Variants in THRB observed in about 807,000 individuals in gnomAD.
The protein encoded by THRB is nuclear receptor subfamily 1 group A member 2.
A neutral mutation model predicts 47.8 loss-of-function variants in THRB; 12 were observed. The ratio of observed to expected loss-of-function variants is 0.25; its 90% CI spans 0.16 to 0.41. The LOEUF (loss-of-function observed/expected upper bound fraction) is 0.41, where lower values mean the gene tolerates loss of function less well. Ranked by LOEUF, THRB falls within the 10% of genes least tolerant of loss-of-function variation. THRB has a pLI of 1.00. For missense variants in THRB, 348 were observed against 589.2 expected, an observed-to-expected ratio of 0.59 and a Z score of 4.24; for synonymous variants, 218 against 212.2, an observed-to-expected ratio of 1.03 and a Z score of -0.24.
At chr3:24,145,152 G>A (rs966481541) in intron 7 of THRB, among the ~76,000 whole-genome samples, 8 of 151,304 alleles carry the variant, frequency 5.3e-5, no homozygotes, top group African/African-American at 1.7e-4. Context: ...AAATGCTTCC[G>A]GTGTGCCAGG....
intron 2 of THRB, among the ~76,000 whole-genome samples, chr3:24,303,831 A>T (rs78418670): frequency 0.012 from 1,862 of 152,292 alleles, 30 homozygotes; most frequent in African/African-American, 0.041. Flanking sequence ...TTACAGATGC[A>T]TTTCCTACAT....
intron 2 of THRB, among the ~76,000 whole-genome samples, chr3:24,326,376 C>T (rs2061594336): frequency 6.6e-6 from 1 of 152,142 alleles, no homozygotes; most frequent in Non-Finnish European, 1.5e-5. Flanking sequence ...GCTGGGATTA[C>T]AGGTGCCCAC....
At position 24,146,797 on chromosome 3, in the gene THRB, T is replaced by C. The variant is rs754829672; in HGVS notation, c.410A>G (p.Lys137Arg). 6.2e-7 allele frequency: 1 copy of C among 1,614,026 alleles called. No individual in the cohort carries two copies. Among genetic ancestry groups the C allele is most frequent in the South Asian group, 1.1e-5 (1 of 91,074 alleles). The change falls in exon 7 of 11, where the codon AAA (lysine) becomes AGA (arginine). Residue 137 changes from lysine (K) to arginine (R), a missense_variant. Coordinates refer to ENST00000646209, the MANE Select transcript of THRB (RefSeq NM_001354712.2). Reference sequence around the variant, plus strand: ...ACAGGAATAGGATGGATGGAGATTTTTCTGAATGGTTCTTCTAAAGAAACC... The same window carrying C: ...ACAGGAATAGGATGGATGGAGATTTCTCTGAATGGTTCTTCTAAAGAAACC... Reference protein sequence around the residue: ...CKGFFRRTIQKNLHPSYSCKY... With the variant: ...CKGFFRRTIQRNLHPSYSCKY...
chr3:24,406,726 A>C (rs2067856002), intron 1 of THRB, among the ~76,000 whole-genome samples: 1 of 151,914 alleles, frequency 6.6e-6, no homozygotes, highest in Non-Finnish European at 1.5e-5. Context: ...AGATACATAA[A>C]ATAAGATTAA....
At chr3:24,216,060 T>C (rs1340642400) in intron 4 of THRB, among the ~76,000 whole-genome samples, 1 of 152,182 alleles carries the variant, frequency 6.6e-6, no homozygotes, top group Non-Finnish European at 1.5e-5. Flanking sequence ...TAATAGACGC[T>C]TTACAATTCC....
intron 4 of THRB, among the ~76,000 whole-genome samples, chr3:24,208,728 C>G (rs1015615914): frequency 2.6e-5 from 4 of 152,146 alleles, no homozygotes; most frequent in Non-Finnish European, 5.9e-5. Flanking sequence ...AAATGTTAGA[C>G]CTAAAACCAT....
At chr3:24,444,480 A>AT (rs1258707212) in intron 1 of THRB, among the ~76,000 whole-genome samples, 2 of 144,692 alleles carry the variant, frequency 1.4e-5, no homozygotes, top group Admixed American at 7.1e-5. Context: ...CAAATAAATG[A>AT]TTTTTTTGTC....
At chr3:24,316,318 A>T (rs2058109538) in intron 2 of THRB, among the ~76,000 whole-genome samples, 1 of 152,116 alleles carries the variant, frequency 6.6e-6, no homozygotes, top group Non-Finnish European at 1.5e-5. Flanking sequence ...TTTCATCATA[A>T]TATATTTTTT....
At chr3:24,353,978 A>T (rs1025034368) in intron 1 of THRB, among the ~76,000 whole-genome samples, 4 of 152,146 alleles carry the variant, frequency 2.6e-5, no homozygotes, top group African/African-American at 9.6e-5. Context: ...GCTTCTATTA[A>T]GAATTTTAAA....
chr3:24,340,301 G>A (rs188273075), intron 1 of THRB, among the ~76,000 whole-genome samples: 1 of 151,964 alleles, frequency 6.6e-6, no homozygotes. Context: ...GTTAATATTA[G>A]AGCAAAATTA....
chr3:24,233,543 G>GAAAAAGGA (rs1349373786), intron 3 of THRB, among the ~76,000 whole-genome samples: 1 of 43,602 alleles, frequency 2.3e-5, no homozygotes, highest in Non-Finnish European at 4.8e-5. Context: ...AAGAAAGAAA[G>GAAAAAGGA]AGAAAGAAAG....
chr3:24,201,971 T>C (rs1049413220), intron 4 of THRB, among the ~76,000 whole-genome samples: 6 of 152,224 alleles, frequency 3.9e-5, no homozygotes, highest in Admixed American at 3.3e-4. Context: ...AAGTAGACTG[T>C]TATTCTCATT....
At chr3:24,458,425 T>C (rs1212384604) in intron 1 of THRB, 1 of 152,182 alleles carries the variant, frequency 6.6e-6, no homozygotes, top group Non-Finnish European at 1.5e-5. Context: ...TTCAGAATAA[T>C]TGCCTTTGAA....
At chr3:24,344,952 A>C (rs2062915159) in intron 1 of THRB, among the ~76,000 whole-genome samples, 1 of 152,128 alleles carries the variant, frequency 6.6e-6, no homozygotes, top group South Asian at 2.1e-4. Flanking sequence ...ATATCCACAA[A>C]AGACCAATCC....
intron 1 of THRB, among the ~76,000 whole-genome samples, chr3:24,382,144 T>C (rs560964207): frequency 2.6e-5 from 4 of 151,854 alleles, no homozygotes; most frequent in Non-Finnish European, 4.4e-5. Context: ...AAAGATAAGA[T>C]GAACAGATAA....
chr3:24,455,240 A>G (rs995413216), intron 1 of THRB: 4 of 151,224 alleles, frequency 2.6e-5, no homozygotes, highest in Non-Finnish European at 5.9e-5. Flanking sequence ...CTCAGCTCCT[A>G]AGCAGAGATG....
At chr3:24,172,660 G>T (rs1204157288) in intron 5 of THRB, among the ~76,000 whole-genome samples, 1 of 152,096 alleles carries the variant, frequency 6.6e-6, no homozygotes, top group Non-Finnish European at 1.5e-5. Context: ...ATTCTGATCT[G>T]GTGCAGTGGA....
rs1050534587 is a variant in THRB at position 24,368,396 on chromosome 3, G to A, written c.-260-31025C>T. ...GGAGGAGAAGATTCTTCTTTATCCTGTCTAATACAATGTACCATTAATAAG... is the reference window on the plus strand; with the variant it reads ...GGAGGAGAAGATTCTTCTTTATCCTATCTAATACAATGTACCATTAATAAG... On this transcript the variant is annotated intron_variant, in intron 1 of 10. Transcript: ENST00000646209. 2.0e-5 allele frequency among the ~76,000 whole-genome samples: 3 copies of A among 152,052 alleles called. No individual in the cohort carries two copies. In the East Asian group the frequency reaches 5.8e-4, roughly 29 times the overall value.
chr3:24,278,063 G>A (rs1176756189), intron 3 of THRB, among the ~76,000 whole-genome samples: 3 of 152,104 alleles, frequency 2.0e-5, no homozygotes, highest in Admixed American at 6.6e-5. Context: ...GGGGATTTAA[G>A]GTGGGTTAAA....
Sources: gnomAD v4.1 joint callset for allele counts (sites outside exome capture counted in the v4.1 genomes callset) on GRCh38, gnomAD v4.1.1 for gene constraint, MANE v1.5 for transcripts, NCBI Gene and HGNC (gene_info 2026-07-23, HGNC 2026-07-21) for gene names.